The following CREB1 variants were observed in gnomAD, a reference collection of about 807,000 sequenced individuals.
The protein encoded by CREB1 is cyclic AMP-responsive element-binding protein 1.
CREB1 carries 2 observed loss-of-function variants against 42.0 expected under a neutral mutation model. That is an observed-to-expected ratio of 0.05 (90% confidence interval 0.02 to 0.15). The LOEUF (loss-of-function observed/expected upper bound fraction) is 0.15. CREB1 is among the 10% of genes least tolerant of loss of function. The pLI is 1.00. For synonymous variants in CREB1, 123 were observed against 139.9 expected, an observed-to-expected ratio of 0.88 and a Z score of 0.85; for missense variants, 199 against 388.9, an observed-to-expected ratio of 0.51 and a Z score of 4.11.
chr2:207,596,792 TAATA>T, intron 7 of CREB1, 118 bp from the exon 8 acceptor site: 1 of 1,121,682 alleles, frequency 8.9e-7, no homozygotes, highest in Non-Finnish European at 1.3e-6. Context: ...TTCCAATGCT[TAATA>T]TATACTAAAA....
intron 7 of CREB1, among the ~76,000 whole-genome samples, chr2:207,585,971 AC>A (rs2083749030): frequency 6.6e-6 from 1 of 152,060 alleles, no homozygotes; most frequent in African/African-American, 2.4e-5. Flanking sequence ...ATCACTGAAG[AC>A]CTCCCATGTC....
chr2:207,577,718 GTGTATCTTTACA>G, intron 7 of CREB1, 63 bp downstream of exon 7: 1 of 1,581,040 alleles, frequency 6.3e-7, no homozygotes, highest in South Asian at 1.1e-5. Context: ...TCTGCTGGAT[GTGTATCTTTACA>G]TCTACTGGTA....
At chr2:207,592,296 A>G (rs1469077307) in intron 7 of CREB1, among the ~76,000 whole-genome samples, 1 of 151,972 alleles carries the variant, frequency 6.6e-6, no homozygotes, top group Non-Finnish European at 1.5e-5. Context: ...AGTCCCAGCT[A>G]CTCGGGAGGC....
chr2:207,542,618 C>A (rs2081139810), intron 1 of CREB1, among the ~76,000 whole-genome samples: 2 of 152,086 alleles, frequency 1.3e-5, no homozygotes, highest in Non-Finnish European at 2.9e-5. Flanking sequence ...TCTTCACTTT[C>A]TTGATGGTGT....
At chr2:207,550,634 A>G (rs2081469298) in intron 1 of CREB1, 1 of 152,186 alleles carries the variant, frequency 6.6e-6, no homozygotes, top group African/African-American at 2.4e-5. Flanking sequence ...TTGAAAGAAA[A>G]AGTGGTAATA....
At chr2:207,578,850 G>T (rs926383060) in intron 7 of CREB1, among the ~76,000 whole-genome samples, 8 of 152,078 alleles carry the variant, frequency 5.3e-5, no homozygotes, top group Admixed American at 3.9e-4. Flanking sequence ...GAGTGCAATG[G>T]TGCAATCTCA....
At chr2:207,549,280 T>C (rs1285043660) in intron 1 of CREB1, among the ~76,000 whole-genome samples, 1 of 152,220 alleles carries the variant, frequency 6.6e-6, no homozygotes, top group Non-Finnish European at 1.5e-5. Context: ...GAAAGTGTGC[T>C]ATATTTAACA....
rs1360503863 is a variant in CREB1 at position 207,570,299 on chromosome 2, C to T, written c.483C>T (p.Tyr161=). The T allele has an allele frequency of 1.2e-6, 2 of 1,612,630 alleles. No individual in the cohort carries two copies. Among genetic ancestry groups the T allele is most frequent in the Non-Finnish European group, 1.7e-6 (2 of 1,179,232 alleles). ...CTGTAACGGTGCCAACTCCAATTTA[C>T]CAAACTAGCAGTGGACAGTATAGTG... The part of the protein sequence containing the change: ...ITTVTVPTPI[Y]QTSSGQYIAI... The change falls in exon 5 of 8, where the codon TAC becomes TAT. Residue 161 remains tyrosine (Y), a synonymous_variant. Coordinates refer to ENST00000353267, the MANE Select transcript of CREB1 (RefSeq NM_004379.5).
At chr2:207,532,749 TTTTA>T (rs2080700624) in intron 1 of CREB1, among the ~76,000 whole-genome samples, 1 of 152,078 alleles carries the variant, frequency 6.6e-6, no homozygotes, top group Admixed American at 6.5e-5. Context: ...TTATTTTTAT[TTTTA>T]TTTATTTGTT....
intron 1 of CREB1, among the ~76,000 whole-genome samples, chr2:207,549,691 G>A (rs749612203): frequency 2.0e-5 from 3 of 152,028 alleles, no homozygotes; most frequent in Non-Finnish European, 4.4e-5. Context: ...TGGCTAACAC[G>A]ATGAAACACA....
chr2:207,552,225 G>T (rs1000521796), intron 1 of CREB1, among the ~76,000 whole-genome samples: 6 of 151,920 alleles, frequency 3.9e-5, no homozygotes, highest in Non-Finnish European at 5.9e-5. Context: ...TTTTGAGTAT[G>T]TCTTTGTAAC....
In CREB1 at chr2:207,570,071, C is replaced by G. The variant is rs1326437537; in HGVS notation, c.363-108C>G. 8 of 582,716 alleles carry G rather than the reference C, an allele frequency of 1.4e-5. No homozygotes were observed. The Admixed American group carries it at 2.7e-4, about 20-fold the overall frequency. 36.1% of individuals were successfully genotyped at this position (582,716 alleles called of 1,614,324 possible). On this transcript the variant is annotated intron_variant, in intron 4 of 7. Transcript: ENST00000353267. ...AAAAAAAAAAAAAAAAACCTTCTGT[C>G]CTAAGCACTAGCAGCTTTCTGTGAG...
Position 207,567,463 on chromosome 2 carries a change from A to T in CREB1, c.262A>T (p.Ile88Phe). The stretch of plus-strand genomic sequence containing the variant: ...ATATGAAGTTTTTCTTTAATTTCAG[A>T]TTTCAACTATTGCAGAAAGTGAAGA... ...IQSPQVQTVQ[I>F]STIAESEDSQ... Residue 88 changes from isoleucine (I) to phenylalanine (F), a missense_variant and splice_region_variant, in exon 4 of 8, where the codon ATT becomes TTT. Transcript: ENST00000353267. 1 of 1,602,860 alleles carries T rather than the reference A, an allele frequency of 6.2e-7. No homozygotes were observed. Among genetic ancestry groups the T allele is most frequent in the Non-Finnish European group, 8.5e-7 (1 of 1,172,928 alleles).
intron 3 of CREB1, among the ~76,000 whole-genome samples, chr2:207,566,985 A>G (rs1423026741): frequency 6.6e-6 from 1 of 152,068 alleles, no homozygotes; most frequent in Admixed American, 6.6e-5. Context: ...CTAACTTGCT[A>G]GGAACAACTG....
intron 1 of CREB1, among the ~76,000 whole-genome samples, chr2:207,543,098 T>C (rs1184794313): frequency 1.3e-5 from 2 of 152,222 alleles, no homozygotes; most frequent in Non-Finnish European, 2.9e-5. Flanking sequence ...TCCCATATAC[T>C]TTAAATCATC....
At chr2:207,590,008 T>C (rs2084663995) in intron 7 of CREB1, among the ~76,000 whole-genome samples, 2 of 151,912 alleles carry the variant, frequency 1.3e-5, no homozygotes, top group Admixed American at 6.6e-5. Context: ...ATAATATTTG[T>C]ATTATTTAAG....
intron 7 of CREB1, chr2:207,582,786 A>G: frequency 7.8e-6 from 2 of 256,250 alleles, no homozygotes; most frequent in Non-Finnish European, 1.6e-5. Context: ...CCAGCTACTC[A>G]GGCGGCTGAG....
chr2:207,574,185 G>A (rs1215007467), intron 5 of CREB1, among the ~76,000 whole-genome samples: 1 of 152,204 alleles, frequency 6.6e-6, no homozygotes, highest in Admixed American at 6.5e-5. Flanking sequence ...TCCCATAGCT[G>A]GTGGATAACT....
In CREB1 at chr2:207,597,984, A is replaced by G. The variant is rs2086446533; in HGVS notation, c.*926A>G. 1.1e-5 allele frequency: 2 copies of G among 183,758 alleles called. No homozygotes were observed. The highest frequency in any genetic ancestry group is 2.3e-5 in the Non-Finnish European group (2 of 86,704). 11.4% of individuals were successfully genotyped at this position (183,758 alleles called of 1,614,324 possible). A position where few individuals can be genotyped will look rare whatever the true frequency, so the allele number is the denominator to read the frequency against. On this transcript the variant is annotated 3_prime_UTR_variant, in exon 8 of 8. Coordinates refer to ENST00000353267, the MANE Select transcript of CREB1 (RefSeq NM_004379.5). ...ATTTATATTGTCACTCATTTACGTA[A>G]AAAGATATTTCTAATTTACTGTTGC...
Sources: allele counts gnomAD v4.1 joint callset (sites outside exome capture counted in the v4.1 genomes callset), GRCh38; gene constraint gnomAD v4.1.1; transcripts MANE v1.5; gene names NCBI Gene and HGNC (gene_info 2026-07-23, HGNC 2026-07-21).